Variants in PPP2R5A observed in about 807,000 individuals in gnomAD.
PPP2R5A encodes serine/threonine-protein phosphatase 2A 56 kDa regulatory subunit alpha isoform.
PPP2R5A carries 25 observed loss-of-function variants against 64.2 expected under a neutral mutation model. That is an observed-to-expected ratio of 0.39 (90% CI 0.28 to 0.54). The LOEUF (loss-of-function observed/expected upper bound fraction) is 0.54, where lower values mean the gene tolerates loss of function less well. Ranked by LOEUF, PPP2R5A falls within the 20% of genes least tolerant of loss-of-function variation. The pLI, the probability that PPP2R5A is intolerant of heterozygous loss-of-function variation, is 0.67. For missense variants in PPP2R5A, 425 were observed against 576.3 expected, an observed-to-expected ratio of 0.74 and a Z score of 2.69; for synonymous variants, 198 against 201.2, an observed-to-expected ratio of 0.98 and a Z score of 0.13.
rs938404553 is a variant in PPP2R5A at position 212,349,304 on chromosome 1, C to A, written c.927+62C>A. 7 of 1,273,816 alleles carry A rather than the reference C, an allele frequency of 5.5e-6. 1 individual carries two copies. In the South Asian group the frequency reaches 8.6e-5, roughly 16 times the overall value. The allele number at this position is 1,273,816 out of a possible 1,614,324, so 78.9% of individuals were successfully genotyped here. A position where few individuals can be genotyped will look rare whatever the true frequency, so the allele number is the denominator to read the frequency against. On this transcript the variant is annotated intron_variant, in intron 8 of 12. Transcript: ENST00000261461. ...ATTAATAGCATTTCATTGTAGCTTT[C>A]GTTTTATAGCCTTTATAGTTATTAA...
intron 3 of PPP2R5A, among the ~76,000 whole-genome samples, chr1:212,335,702 A>C (rs1319276184): frequency 6.6e-6 from 1 of 152,202 alleles, no homozygotes; most frequent in African/African-American, 2.4e-5. Context: ...CTAAGTGGTA[A>C]ATTATTTTTT....
At chr1:212,353,649 G>A (rs1659926062) in intron 8 of PPP2R5A, among the ~76,000 whole-genome samples, 1 of 151,794 alleles carries the variant, frequency 6.6e-6, no homozygotes, top group South Asian at 2.1e-4. Context: ...TGTTTTAGTT[G>A]CTGATATCCA....
At chr1:212,304,147 CG>C (rs558151064) in intron 1 of PPP2R5A, among the ~76,000 whole-genome samples, 4 of 152,134 alleles carry the variant, frequency 2.6e-5, no homozygotes, top group Non-Finnish European at 5.9e-5. Context: ...TTTGTCTCAA[CG>C]TATTTTTTAT....
At chr1:212,309,305 C>A in intron 1 of PPP2R5A, 1 of 1,533,252 alleles carries the variant, frequency 6.5e-7, no homozygotes. Context: ...GCATAGTGGT[C>A]AAGTTTGTTT....
chr1:212,288,925 C>T (rs1658553016), intron 1 of PPP2R5A, among the ~76,000 whole-genome samples: 1 of 152,110 alleles, frequency 6.6e-6, no homozygotes, highest in African/African-American at 2.4e-5. Flanking sequence ...TTTCCTCAAA[C>T]CATAGTAAGG....
At chr1:212,312,435 T>A (rs1659056631) in intron 1 of PPP2R5A, among the ~76,000 whole-genome samples, 1 of 152,206 alleles carries the variant, frequency 6.6e-6, no homozygotes, top group Admixed American at 6.6e-5. Context: ...TAGGACCATT[T>A]CAGAGGCTAT....
intron 1 of PPP2R5A, among the ~76,000 whole-genome samples, chr1:212,290,196 T>C (rs1482633136): frequency 6.6e-6 from 1 of 152,222 alleles, no homozygotes; most frequent in Non-Finnish European, 1.5e-5. Flanking sequence ...TTGATTGCAG[T>C]GCTTCCTTAC....
intron 1 of PPP2R5A, chr1:212,309,647 C>G: frequency 2.0e-6 from 1 of 512,736 alleles, no homozygotes; most frequent in African/African-American, 1.9e-5. Flanking sequence ...GTTCTACAAC[C>G]TTCTTTTTTT....
intron 3 of PPP2R5A, 124 bp downstream of exon 3, chr1:212,333,722 T>C: frequency 1.9e-6 from 1 of 514,404 alleles, no homozygotes; most frequent in Non-Finnish European, 3.3e-6. Flanking sequence ...TTATTAACAT[T>C]ATCTTCTTTC....
intron 2 of PPP2R5A, among the ~76,000 whole-genome samples, chr1:212,332,960 G>C (rs1403636147): frequency 6.6e-6 from 1 of 151,416 alleles, no homozygotes; most frequent in Non-Finnish European, 1.5e-5. Context: ...GGAATGCAGT[G>C]GTATGATCTC....
chr1:212,349,585 C>G (rs560689237), intron 8 of PPP2R5A, among the ~76,000 whole-genome samples: 1 of 152,084 alleles, frequency 6.6e-6, no homozygotes, highest in East Asian at 1.9e-4. Flanking sequence ...AAGCATACTT[C>G]GAGGGTCCCA....
At chr1:212,315,242 G>T (rs1659123995) in intron 1 of PPP2R5A, among the ~76,000 whole-genome samples, 1 of 152,074 alleles carries the variant, frequency 6.6e-6, no homozygotes, top group Admixed American at 6.5e-5. Flanking sequence ...TTTGTATTAT[G>T]TATGATTTTT....
intron 12 of PPP2R5A, among the ~76,000 whole-genome samples, chr1:212,359,980 C>A (rs1660051032): frequency 6.6e-6 from 1 of 152,146 alleles, no homozygotes; most frequent in Non-Finnish European, 1.5e-5. Flanking sequence ...CTCATAACTG[C>A]AGAATTATAA....
intron 1 of PPP2R5A, among the ~76,000 whole-genome samples, chr1:212,303,163 C>A (rs1571578088): frequency 6.6e-6 from 1 of 152,136 alleles, no homozygotes; most frequent in Admixed American, 6.5e-5. Context: ...TGATAAATTG[C>A]CACAGTTTTT....
intron 1 of PPP2R5A, among the ~76,000 whole-genome samples, chr1:212,320,575 C>A (rs1659254895): frequency 7.1e-6 from 1 of 141,478 alleles, no homozygotes; most frequent in Non-Finnish European, 1.5e-5. Flanking sequence ...GGGCGGGGGG[C>A]TGACCCCCCC....
Position 212,356,622 on chromosome 1 carries a change from G to A in PPP2R5A, c.928-4G>A, listed in dbSNP as rs760330486. The A allele has an allele frequency of 3.1e-5, 50 of 1,603,924 alleles. No homozygotes were observed. The East Asian group carries it at 1.0e-3, about 32-fold the overall frequency. ...ATTCATGCTAAACTTTTTCTTTTTC[G>A]CAGGTGATCAGAGGACTGCTGAAAT... On this transcript the variant is annotated splice_polypyrimidine_tract_variant and splice_region_variant and intron_variant, in intron 8 of 12. Coordinates refer to ENST00000261461, the MANE Select transcript of PPP2R5A (RefSeq NM_006243.4).
At chr1:212,314,805 G>A (rs998007416) in intron 1 of PPP2R5A, among the ~76,000 whole-genome samples, 1 of 151,676 alleles carries the variant, frequency 6.6e-6, no homozygotes, top group Non-Finnish European at 1.5e-5. Flanking sequence ...GAAGTGATCC[G>A]CCCACCTCAG....
At position 212,357,051 on chromosome 1, in the gene PPP2R5A, A is replaced by G. The variant is rs748695361; in HGVS notation, c.1080A>G (p.Val360=). The G allele has an allele frequency of 7.5e-6, 12 of 1,609,908 alleles. No individual in the cohort carries two copies. The African/African-American group carries it at 1.3e-4, about 18-fold the overall frequency. The part of the protein sequence containing the change: ...EPLFKQISKC[V]SSSHFQVAER... ...TTTTCAAGCAGATATCCAAGTGTGTATCCAGTTCTCATTTTCAGGTATGAT... is the reference window on the plus strand; with the variant it reads ...TTTTCAAGCAGATATCCAAGTGTGTGTCCAGTTCTCATTTTCAGGTATGAT... Residue 360 remains valine, a synonymous_variant, in exon 10 of 13, where the codon GTA becomes GTG. Transcript: ENST00000261461.
At chr1:212,295,019 A>G (rs1296794622) in intron 1 of PPP2R5A, among the ~76,000 whole-genome samples, 1 of 152,252 alleles carries the variant, frequency 6.6e-6, no homozygotes, top group Non-Finnish European at 1.5e-5. Context: ...AATATAGGTT[A>G]CATTCTATAT....
Sources: gnomAD v4.1 joint callset for allele counts (sites outside exome capture counted in the v4.1 genomes callset) on GRCh38, gnomAD v4.1.1 for gene constraint, MANE v1.5 for transcripts, NCBI Gene and HGNC (gene_info 2026-07-23, HGNC 2026-07-21) for gene names.